Variants in RIMBP2 observed in about 807,000 individuals in gnomAD.
RIMBP2 encodes RIMS binding protein 2, also known as RIMS-binding protein 2.
Under a neutral mutation model 118.6 loss-of-function variants are expected in RIMBP2, and 48 were observed. The ratio of observed to expected loss-of-function variants is 0.40; its 90% CI spans 0.32 to 0.51. The LOEUF is 0.51. RIMBP2 is among the 20% of genes least tolerant of loss of function. The pLI is 0.41. For missense variants in RIMBP2, 1,551 were observed against 1,768.3 expected (o/e 0.88, Z 2.20); for synonymous variants, 762 against 742.9 (o/e 1.03, Z -0.42).
In RIMBP2 at chr12:130,422,404, C is replaced by T; in HGVS notation, c.3238+49G>A. ...TTCATGCTTAGATGGAGTAAGCAGC[C>T]ACATGCTCCGCGGCTGAAAGACACA... On this transcript the variant is annotated intron_variant, in intron 17 of 22. Coordinates refer to ENST00000690449, the MANE Select transcript of RIMBP2 (RefSeq NM_001393629.1). This position sits in a 1 kb window ranked among gnomAD's most constrained non-coding sequence, Gnocchi z 5.2. 4.4e-6 allele frequency: 6 copies of T among 1,353,878 alleles called. No individual in the cohort carries two copies. The highest frequency in any genetic ancestry group is 6.3e-6 in the Non-Finnish European group (6 of 955,266). 83.9% of individuals were successfully genotyped at this position (1,353,878 alleles called of 1,614,324 possible). A position where few individuals can be genotyped will look rare whatever the true frequency, so the allele number is the denominator to read the frequency against.
intron 2 of RIMBP2, among the ~76,000 whole-genome samples, chr12:130,618,763 A>C (rs1309070742): frequency 6.6e-6 from 1 of 152,222 alleles, no homozygotes; most frequent in Non-Finnish European, 1.5e-5. Context: ...TCAAAATTTC[A>C]ACAACATAAA....
rs1349208940 is a variant in RIMBP2 at position 130,535,770 on chromosome 12, T to C, written c.-216-17853A>G. Among the ~76,000 whole-genome samples the C allele has an allele frequency of 1.5e-3, 147 of 99,562 alleles. 3 individuals are homozygous for C. Among genetic ancestry groups the C allele is most frequent in the African/African-American group, 3.5e-3 (101 of 28,880 alleles). 65.3% of individuals were successfully genotyped at this position (99,562 alleles called of 152,430 possible). ...ATATATATATATATATATATATATA[T>C]ATATATATATATACACATATTTTTT... On this transcript the variant is annotated intron_variant, in intron 2 of 22. Transcript: ENST00000690449.
chr12:130,642,776 T>G (rs560803237), intron 1 of RIMBP2, among the ~76,000 whole-genome samples: 1 of 152,314 alleles, frequency 6.6e-6, no homozygotes, highest in Admixed American at 6.5e-5. Flanking sequence ...TATCTCCACC[T>G]TGGGGATAAG....
intron 1 of RIMBP2, among the ~76,000 whole-genome samples, chr12:130,664,439 GCACACACGCA>G (rs2063819103): frequency 1.6e-5 from 2 of 123,514 alleles, no homozygotes; most frequent in African/African-American, 3.0e-5. Flanking sequence ...ATGCATGCAC[GCACACACGCA>G]CACACATGCA....
chr12:130,693,385 G>A (rs542076122), intron 1 of RIMBP2, among the ~76,000 whole-genome samples: 19 of 150,510 alleles, frequency 1.3e-4, no homozygotes, highest in Admixed American at 6.5e-5. Context: ...CTATCCTAAC[G>A]ATGCCTGTGA....
At chr12:130,513,464 G>A (rs540208009) in intron 3 of RIMBP2, among the ~76,000 whole-genome samples, 8 of 152,300 alleles carry the variant, frequency 5.3e-5, no homozygotes, top group East Asian at 3.9e-4. Flanking sequence ...TCAATGTGAC[G>A]AAAACCTTGA....
intron 2 of RIMBP2, among the ~76,000 whole-genome samples, chr12:130,577,070 C>T (rs1160264406): frequency 6.6e-6 from 1 of 152,140 alleles, no homozygotes; most frequent in African/African-American, 2.4e-5. Flanking sequence ...AATGACTCAC[C>T]CCTTTCTCCA....
intron 1 of RIMBP2, among the ~76,000 whole-genome samples, chr12:130,664,399 GCA>G (rs2063791195): frequency 4.1e-5 from 2 of 48,344 alleles, no homozygotes; most frequent in Admixed American, 1.8e-4. Flanking sequence ...GCACACACAC[GCA>G]CGCACGCACG....
chr12:130,690,424 T>C (rs903701258), intron 1 of RIMBP2, among the ~76,000 whole-genome samples: 6 of 152,136 alleles, frequency 3.9e-5, no homozygotes, highest in Non-Finnish European at 8.8e-5. Context: ...GAACAGCGGT[T>C]TTGCCACCAT....
chr12:130,438,957 C>T (rs1209959357), intron 11 of RIMBP2, among the ~76,000 whole-genome samples: 1 of 152,018 alleles, frequency 6.6e-6, no homozygotes, highest in Admixed American at 6.5e-5. Context: ...AAGGCAATCC[C>T]CTCATCCCCC....
intron 2 of RIMBP2, among the ~76,000 whole-genome samples, chr12:130,596,398 G>A (rs1341747372): frequency 6.7e-6 from 1 of 149,942 alleles, no homozygotes; most frequent in Admixed American, 6.7e-5. Context: ...CCATTTCACA[G>A]GCGTTGAAAC....
At chr12:130,595,769 C>G (rs1240468511) in intron 2 of RIMBP2, among the ~76,000 whole-genome samples, 3 of 152,166 alleles carry the variant, frequency 2.0e-5, no homozygotes, top group Non-Finnish European at 2.9e-5. Flanking sequence ...CTGAGCAGGG[C>G]AAACGCCCTG....
Position 130,652,762 on chromosome 12 carries a change from G to A in RIMBP2, c.-351-24306C>T, listed in dbSNP as rs1408174932. Among the ~76,000 whole-genome samples, 4 of 152,196 alleles carry A rather than the reference G, an allele frequency of 2.6e-5. No homozygotes were observed. The East Asian group carries it at 5.8e-4, about 22-fold the overall frequency. ...TACAGGCAGCATGGTGCCAGCACCTGCTTCTGGTGAGACCTCACAGAACTT... is the reference window on the plus strand; with the variant it reads ...TACAGGCAGCATGGTGCCAGCACCTACTTCTGGTGAGACCTCACAGAACTT... On this transcript the variant is annotated intron_variant, in intron 1 of 22. Transcript: ENST00000690449.
intron 4 of RIMBP2, among the ~76,000 whole-genome samples, chr12:130,494,651 AG>A (rs1246501780): frequency 2.4e-5 from 3 of 123,872 alleles, no homozygotes; most frequent in African/African-American, 9.3e-5. Context: ...AAAAAAAAAA[AG>A]AAAGAAAAGA....
At chr12:130,497,111 T>G (rs1338090938) in intron 4 of RIMBP2, among the ~76,000 whole-genome samples, 1 of 152,170 alleles carries the variant, frequency 6.6e-6, no homozygotes, top group Non-Finnish European at 1.5e-5. Flanking sequence ...TGTGTCTCTA[T>G]CCAAACTCCC....
Position 130,432,189 on chromosome 12 carries a change from A to C in RIMBP2, c.2253+2545T>G, listed in dbSNP as rs1426141201. The stretch of plus-strand genomic sequence containing the variant: ...ATGATTCACTCCTGGATAGGTGAGG[A>C]GAACGTGGCACATGGGGAAAGGCGT... On this transcript the variant is annotated intron_variant, in intron 14 of 22. Coordinates refer to ENST00000690449, the MANE Select transcript of RIMBP2 (RefSeq NM_001393629.1). 6.6e-6 allele frequency: 3 copies of C among 456,188 alleles called. No homozygotes were observed. The East Asian group carries it at 2.1e-4, about 32-fold the overall frequency. The allele number at this position is 456,188 out of a possible 1,614,324, so 28.3% of individuals were successfully genotyped here. A position where few individuals can be genotyped will look rare whatever the true frequency, so the allele number is the denominator to read the frequency against.
chr12:130,656,806 G>A (rs986692776), intron 1 of RIMBP2, among the ~76,000 whole-genome samples: 2 of 147,844 alleles, frequency 1.4e-5, no homozygotes, highest in African/African-American at 5.4e-5. Context: ...CTACTTGGGA[G>A]GCTGAGGTGG....
chr12:130,689,053 G>T (rs533072790), intron 1 of RIMBP2, among the ~76,000 whole-genome samples: 1 of 152,162 alleles, frequency 6.6e-6, no homozygotes, highest in African/African-American at 2.4e-5. Flanking sequence ...TATGACCTGC[G>T]CTTACAGAAA....
chr12:130,489,468 G>C (rs1337034373), intron 4 of RIMBP2, among the ~76,000 whole-genome samples: 5 of 152,028 alleles, frequency 3.3e-5, no homozygotes, highest in Non-Finnish European at 7.4e-5. Flanking sequence ...CTCTGCTTCT[G>C]GGTGGTCAGT....
Sources: allele counts gnomAD v4.1 joint callset (sites outside exome capture counted in the v4.1 genomes callset), GRCh38; gene constraint gnomAD v4.1.1; non-coding constraint Gnocchi (gnomAD v3.1); transcripts MANE v1.5; gene names NCBI Gene and HGNC (gene_info 2026-07-23, HGNC 2026-07-21).